Variants in FBXO7 observed in about 807,000 individuals in gnomAD.
The protein encoded by FBXO7 is F-box only protein 7.
A neutral mutation model predicts 50.2 loss-of-function variants in FBXO7; 31 were observed. The ratio of observed to expected loss-of-function variants is 0.62; its 90% CI spans 0.46 to 0.83. The LOEUF (loss-of-function observed/expected upper bound fraction) is 0.83. FBXO7 is among the 40% of genes least tolerant of loss of function. The pLI, the probability that FBXO7 is intolerant of heterozygous loss-of-function variation, is 0.00. For synonymous variants in FBXO7, 256 were observed against 253.1 expected, an observed-to-expected ratio of 1.01 and a Z score of -0.11; for missense variants, 667 against 646.6, an observed-to-expected ratio of 1.03 and a Z score of -0.34.
In FBXO7 at chr22:32,495,120, G is replaced by A. The variant is rs193120616; in HGVS notation, c.1145-373G>A. Among the ~76,000 whole-genome samples, 6 of 152,304 alleles carry A rather than the reference G, an allele frequency of 3.9e-5. No homozygotes were observed. The South Asian group carries it at 1.2e-3, about 32-fold the overall frequency. On this transcript the variant is annotated intron_variant, in intron 7 of 8. Coordinates refer to ENST00000266087, the MANE Select transcript of FBXO7 (RefSeq NM_012179.4). The stretch of plus-strand genomic sequence containing the variant: ...AGCTCAGAGGTTGTTGCCCAGTTTG[G>A]TGTAACGTGAGATGTTGGATTAGAA...
At chr22:32,496,594 C>T (rs767268591) in intron 8 of FBXO7, among the ~76,000 whole-genome samples, 1 of 152,184 alleles carries the variant, frequency 6.6e-6, no homozygotes, top group Non-Finnish European at 1.5e-5. Context: ...GCATGGTTTA[C>T]TGAATATTTC....
intron 5 of FBXO7, chr22:32,488,714 G>A (rs1334468832): frequency 2.0e-5 from 3 of 152,148 alleles, no homozygotes; most frequent in Non-Finnish European, 4.4e-5. Flanking sequence ...CTGAGAGATT[G>A]ACTTATACTA....
At position 32,498,748 on chromosome 22, in the gene FBXO7, ATCTCCCTG is replaced by A; in HGVS notation, c.*219_*226del. ...TGGCCTTGGGAATAGTTGGCTGCCA[ATCTCCCTG>A]CTCTTGGTTCTCCTCTAGATTGAAG... On this transcript the variant is annotated 3_prime_UTR_variant, in exon 9 of 9. Transcript: ENST00000266087. The A allele has an allele frequency of 1.7e-6, 1 of 593,034 alleles. No individual in the cohort carries two copies. The highest frequency in any genetic ancestry group is 3.0e-6 in the Non-Finnish European group (1 of 334,770). 36.7% of individuals were successfully genotyped at this position (593,034 alleles called of 1,614,324 possible). A position where few individuals can be genotyped will look rare whatever the true frequency, so the allele number is the denominator to read the frequency against.
rs749534144 is a variant in FBXO7, at chr22:32,498,222, A to ACCATT, written c.1268_1272dup (p.Tyr425HisfsTer56). 70 of 1,614,174 alleles carry ACCATT rather than the reference A, an allele frequency of 4.3e-5. No homozygotes were observed. Among genetic ancestry groups the ACCATT allele is most frequent in the Non-Finnish European group, 5.3e-5 (63 of 1,180,024 alleles). On this transcript the variant is annotated frameshift_variant, in exon 9 of 9. Coordinates refer to ENST00000266087, the MANE Select transcript of FBXO7 (RefSeq NM_012179.4). LOFTEE classifies it high-confidence loss of function. ...GATGCTCCTGCCATCGTCAACTCAC[A>ACCATT]CCATTCCATTCTATCCCAACCCCTT...
intron 1 of FBXO7, among the ~76,000 whole-genome samples, chr22:32,478,519 C>A (rs2057442995): frequency 6.6e-6 from 1 of 152,142 alleles, no homozygotes; most frequent in South Asian, 2.1e-4. Flanking sequence ...CATTAGAAAT[C>A]TATAGATTAG....
At chr22:32,486,270 C>T (rs765992125) in intron 4 of FBXO7, among the ~76,000 whole-genome samples, 7 of 151,600 alleles carry the variant, frequency 4.6e-5, no homozygotes, top group Non-Finnish European at 1.0e-4. Flanking sequence ...ATTTTGAAAG[C>T]TACTGACTCA....
At chr22:32,493,342 A>G in intron 7 of FBXO7, 61 bp downstream of exon 7, 1 of 1,450,266 alleles carries the variant, frequency 6.9e-7, no homozygotes, top group South Asian at 1.1e-5. Context: ...TACTCAGCTC[A>G]CCAAAAGTTT....
chr22:32,482,447 T>C (rs936430234), intron 2 of FBXO7, among the ~76,000 whole-genome samples: 2 of 152,212 alleles, frequency 1.3e-5, no homozygotes, highest in African/African-American at 4.8e-5. Flanking sequence ...ATGCTTTGCA[T>C]TAAGAGTTGG....
chr22:32,492,975 GA>G, intron 6 of FBXO7, 129 bp from the exon 7 acceptor site: 2 of 878,428 alleles, frequency 2.3e-6, no homozygotes, highest in Non-Finnish European at 3.9e-6. Flanking sequence ...CATACTTGGG[GA>G]TAATTAAGAG....
intron 5 of FBXO7, 171 bp from the exon 6 acceptor site, chr22:32,490,915 A>G: frequency 1.7e-6 from 1 of 582,032 alleles, no homozygotes; most frequent in East Asian, 2.9e-5. Flanking sequence ...TCTAAGATTC[A>G]GTTTCATCAA....
At position 32,476,871 on chromosome 22, in the gene FBXO7, A is replaced by G. The variant is rs566377592; in HGVS notation, c.122+1747A>G. ...GAGGTAGAATCCTGGAAAACTATAT[A>G]TTACTTTAGAAATAGCTTTTCCCTT... On this transcript the variant is annotated intron_variant, in intron 1 of 8. Transcript: ENST00000266087. Among the ~76,000 whole-genome samples the G allele has an allele frequency of 7.9e-5, 12 of 152,328 alleles. No individual in the cohort carries two copies. The East Asian group carries it at 1.7e-3, about 22-fold the overall frequency.
At position 32,495,479 on chromosome 22, in the gene FBXO7, CT is replaced by C; in HGVS notation, c.1145-10del. ...AATGTTTTTAAATCCTTATTTTTCC[CT>C]TTTCCTTTGTAGACAATACTGTCAG... On this transcript the variant is annotated splice_polypyrimidine_tract_variant and intron_variant, in intron 7 of 8. Transcript: ENST00000266087. 1.9e-6 allele frequency: 3 copies of C among 1,565,270 alleles called. No individual in the cohort carries two copies. Among genetic ancestry groups the C allele is most frequent in the Non-Finnish European group, 2.6e-6 (3 of 1,138,204 alleles).
intron 2 of FBXO7, among the ~76,000 whole-genome samples, chr22:32,482,640 A>T (rs530339927): frequency 3.0e-4 from 46 of 152,324 alleles, no homozygotes; most frequent in Middle Eastern, 3.4e-3. Flanking sequence ...TAATTATAGG[A>T]TCTATAAAAA....
intron 1 of FBXO7, among the ~76,000 whole-genome samples, chr22:32,477,632 G>C (rs1414964064): frequency 6.6e-6 from 1 of 152,180 alleles, no homozygotes; most frequent in African/African-American, 2.4e-5. Flanking sequence ...ATCAGTAAGA[G>C]AGATGAATTT....
chr22:32,479,381 C>G (rs1047069923), intron 2 of FBXO7, 106 bp downstream of exon 2: 8 of 893,256 alleles, frequency 9.0e-6, no homozygotes, highest in African/African-American at 1.7e-5. Context: ...ATAGATTGCA[C>G]ATTTTATATA....
intron 8 of FBXO7, among the ~76,000 whole-genome samples, chr22:32,497,916 T>C (rs560892744): frequency 1.3e-5 from 2 of 152,374 alleles, no homozygotes; most frequent in South Asian, 2.1e-4. Context: ...TCTTTTTAGA[T>C]ACAATGCTAT....
intron 6 of FBXO7, chr22:32,491,995 C>G (rs2057540641): frequency 6.6e-6 from 1 of 152,044 alleles, no homozygotes; most frequent in African/African-American, 2.4e-5. Context: ...GCCAGTGGCC[C>G]AATTATGTGT....
At chr22:32,487,940 A>G in intron 5 of FBXO7, 112 bp downstream of exon 5, 1 of 713,964 alleles carries the variant, frequency 1.4e-6, no homozygotes, top group Non-Finnish European at 2.5e-6. Flanking sequence ...AGATTAAAGC[A>G]TATTGAAGAC....
chr22:32,476,474 C>G (rs961459230), intron 1 of FBXO7, among the ~76,000 whole-genome samples: 7 of 152,136 alleles, frequency 4.6e-5, no homozygotes, highest in African/African-American at 1.7e-4. Flanking sequence ...GTTGGTTTCT[C>G]TTTCAGATTT....
Sources: gnomAD v4.1 joint callset for allele counts (sites outside exome capture counted in the v4.1 genomes callset) on GRCh38, gnomAD v4.1.1 for gene constraint, MANE v1.5 for transcripts, NCBI Gene and HGNC (gene_info 2026-07-23, HGNC 2026-07-21) for gene names.